AFMID: variants seen among roughly 807,000 people sequenced by gnomAD.
The protein encoded by AFMID is kynurenine formamidase.
A neutral mutation model predicts 47.5 loss-of-function variants in AFMID; 39 were observed. The ratio of observed to expected loss-of-function variants is 0.82; its 90% CI spans 0.64 to 1.07. AFMID has a LOEUF of 1.07. Ranked by LOEUF, AFMID falls within the 50% of genes least tolerant of loss-of-function variation. The probability of loss-of-function intolerance (pLI) is 0.00; values close to 1 mark genes in which losing one functional copy is unlikely to be tolerated. For synonymous variants in AFMID, 130 were observed against 153.2 expected (o/e 0.85, Z 1.12); for missense variants, 375 against 387.5 (o/e 0.97, Z 0.27).
intron 10 of AFMID, among the ~76,000 whole-genome samples, chr17:78,206,428 T>C (rs1567857242): frequency 6.6e-6 from 1 of 151,626 alleles, no homozygotes; most frequent in African/African-American, 2.4e-5. Context: ...TTTTTTTCTT[T>C]AGAGACAGGG....
intron 2 of AFMID, chr17:78,192,666 T>A (rs186191233): frequency 0.013 from 6,222 of 470,884 alleles, 121 homozygotes; most frequent in Non-Finnish European, 0.015. Context: ...TGTAAACTAG[T>A]GAAGTCTTAA....
chr17:78,204,981 A>G, intron 6 of AFMID, 81 bp downstream of exon 6: 1 of 1,589,934 alleles, frequency 6.3e-7, no homozygotes, highest in South Asian at 1.1e-5. Flanking sequence ...GGATACAGCC[A>G]AGCTGCCCCT....
At chr17:78,202,301 C>G (rs2145872643) in intron 2 of AFMID, among the ~76,000 whole-genome samples, 198 bp from the exon 3 acceptor site, 1 of 151,796 alleles carries the variant, frequency 6.6e-6, no homozygotes, top group Middle Eastern at 3.4e-3. Flanking sequence ...TAGTGGCGTG[C>G]ACCTGTAGTC....
chr17:78,204,390 T>C (rs1292051310), intron 4 of AFMID, among the ~76,000 whole-genome samples: 1 of 152,144 alleles, frequency 6.6e-6, no homozygotes, highest in East Asian at 1.9e-4. Context: ...CAGTGATCCA[T>C]GATCGCACCA....
intron 2 of AFMID, among the ~76,000 whole-genome samples, chr17:78,195,109 AAAGAC>A (rs2076077122): frequency 1.3e-5 from 2 of 152,204 alleles, no homozygotes; most frequent in South Asian, 4.1e-4. Context: ...TCAAATTAAT[AAAGAC>A]AAGAAATGGA....
At chr17:78,198,532 C>T (rs1348718769) in intron 2 of AFMID, among the ~76,000 whole-genome samples, 2 of 151,604 alleles carry the variant, frequency 1.3e-5, no homozygotes, top group South Asian at 2.1e-4. Flanking sequence ...CGCTTGAACC[C>T]AGGAAGCAGA....
chr17:78,201,273 G>C (rs1363177765), intron 2 of AFMID, among the ~76,000 whole-genome samples: 2 of 146,150 alleles, frequency 1.4e-5, no homozygotes. Context: ...CAGCCTGGGT[G>C]ACAGAGCAAG....
intron 6 of AFMID, 95 bp downstream of exon 6, chr17:78,204,995 G>T: frequency 6.3e-7 from 1 of 1,578,886 alleles, no homozygotes; most frequent in Admixed American, 1.8e-5. Flanking sequence ...TGCCCCTCTG[G>T]CCTGTGGAGC....
intron 2 of AFMID, among the ~76,000 whole-genome samples, chr17:78,191,970 G>A (rs1435084836): frequency 6.6e-6 from 1 of 151,570 alleles, no homozygotes; most frequent in African/African-American, 2.4e-5. Context: ...ACAGGCATGA[G>A]CCATCGTGCC....
Position 78,190,317 on chromosome 17 carries a change from C to T in AFMID, c.64-653C>T, listed in dbSNP as rs1443318262. ...TTTGCAAACTGACCTTTCATTCCTT[C>T]CTCCTCACCTCTGTGCCTTTGACTG... On this transcript the variant is annotated intron_variant, in intron 1 of 10. Coordinates refer to ENST00000409257, the MANE Select transcript of AFMID (RefSeq NM_001010982.5). 2.6e-5 allele frequency among the ~76,000 whole-genome samples: 4 copies of T among 152,170 alleles called. No homozygotes were observed. The South Asian group carries it at 6.2e-4, about 24-fold the overall frequency.
Position 78,207,081 on chromosome 17 carries a change from A to G in AFMID, c.*144A>G. On this transcript the variant is annotated 3_prime_UTR_variant, in exon 11 of 11. Coordinates refer to ENST00000409257, the MANE Select transcript of AFMID (RefSeq NM_001010982.5). ...GTGTCTGTCTGCCCGGCAAGAGTCC[A>G]TTCTCACTGCTGGGACACTCATGAA... The G allele has an allele frequency of 1.2e-6, 1 of 850,802 alleles. No homozygotes were observed. The highest frequency in any genetic ancestry group is 2.0e-6 in the Non-Finnish European group (1 of 508,932). The allele number at this position is 850,802 out of a possible 1,614,324, so 52.7% of individuals were successfully genotyped here. A position where few individuals can be genotyped will look rare whatever the true frequency, so the allele number is the denominator to read the frequency against.
At chr17:78,188,811 A>C (rs1022987498) in intron 1 of AFMID, among the ~76,000 whole-genome samples, 1 of 152,016 alleles carries the variant, frequency 6.6e-6, no homozygotes, top group Non-Finnish European at 1.5e-5. Flanking sequence ...GTTAGCCAGG[A>C]TGGTCTCCAA....
intron 2 of AFMID, among the ~76,000 whole-genome samples, chr17:78,198,090 G>A (rs527692666): frequency 3.3e-5 from 5 of 152,250 alleles, no homozygotes; most frequent in African/African-American, 9.6e-5. Context: ...TTAGCCAGGC[G>A]TGGTGGCACA....
At chr17:78,206,223 C>T (rs2145882039) in intron 10 of AFMID, among the ~76,000 whole-genome samples, 173 bp downstream of exon 10, 1 of 151,802 alleles carries the variant, frequency 6.6e-6, no homozygotes, top group East Asian at 2.0e-4. Flanking sequence ...CCTGTAATCC[C>T]AGCTACTCAG....
At chr17:78,205,313 T>C in intron 7 of AFMID, 123 bp downstream of exon 7, 1 of 1,425,944 alleles carries the variant, frequency 7.0e-7, no homozygotes, top group Non-Finnish European at 9.8e-7. Context: ...TCGAGCCCTC[T>C]GAGCAAGGCC....
chr17:78,202,845 A>G, intron 4 of AFMID, 94 bp downstream of exon 4: 1 of 1,418,898 alleles, frequency 7.0e-7, no homozygotes, highest in Non-Finnish European at 9.7e-7. Context: ...AACTGCCACA[A>G]GCTGGGCACT....
chr17:78,205,311 T>C, intron 7 of AFMID, 121 bp downstream of exon 7: 1 of 1,427,296 alleles, frequency 7.0e-7, no homozygotes, highest in East Asian at 2.3e-5. Flanking sequence ...CTTCGAGCCC[T>C]CTGAGCAAGG....
Position 78,189,527 on chromosome 17 carries a change from G to GT in AFMID, c.64-1430dup, listed in dbSNP as rs61172116. Reference sequence around the variant, plus strand: ...TGTGAGCCACCACGCCCAGTGTTTTGTTTTTTTTTTTTTGAAACAGGGTTT... The same window carrying GT: ...TGTGAGCCACCACGCCCAGTGTTTTGTTTTTTTTTTTTTTGAAACAGGGTTT... On this transcript the variant is annotated intron_variant, in intron 1 of 10. Transcript: ENST00000409257. Among the ~76,000 whole-genome samples, 306 of 140,576 alleles carry GT rather than the reference G, an allele frequency of 2.2e-3. 1 individual carries two copies. Among genetic ancestry groups the GT allele is most frequent in the South Asian group, 2.7e-3 (12 of 4,436 alleles). 92.2% of individuals were successfully genotyped at this position (140,576 alleles called of 152,430 possible). A position where few individuals can be genotyped will look rare whatever the true frequency, so the allele number is the denominator to read the frequency against.
intron 1 of AFMID, among the ~76,000 whole-genome samples, chr17:78,190,324 A>G (rs2075931213): frequency 6.6e-6 from 1 of 150,458 alleles, no homozygotes; most frequent in Admixed American, 6.6e-5. Flanking sequence ...CTTCCTCCTC[A>G]CCTCTGTGCC....
Sources: gnomAD v4.1 joint callset for allele counts (sites outside exome capture counted in the v4.1 genomes callset) on GRCh38, gnomAD v4.1.1 for gene constraint, MANE v1.5 for transcripts, NCBI Gene and HGNC (gene_info 2026-07-23, HGNC 2026-07-21) for gene names.